Variants in RIF1 observed in about 807,000 individuals in gnomAD.
RIF1 encodes the protein telomere-associated protein RIF1.
In RIF1, 45 loss-of-function variants were observed where a neutral mutation model predicts 247.1. That is an observed-to-expected ratio of 0.18 (90% CI 0.14 to 0.23). RIF1 has a LOEUF of 0.23. RIF1 is among the 10% of genes least tolerant of loss of function. The pLI is 1.00. For synonymous variants in RIF1, 1,087 were observed against 978.8 expected (o/e 1.11, Z -2.06); for missense variants, 2,967 against 2,862.5 (o/e 1.04, Z -0.83).
intron 18 of RIF1, 36 bp from the exon 19 acceptor site, chr2:151,445,302 G>A: frequency 6.1e-6 from 7 of 1,154,740 alleles, no homozygotes; most frequent in South Asian, 3.7e-5. Flanking sequence ...GAATAAGATG[G>A]TAATTTGTCT....
chr2:151,493,930 G>T, intron 9 of RIF1: 1 of 1,165,762 alleles, frequency 8.6e-7, no homozygotes, highest in Non-Finnish European at 1.2e-6. Flanking sequence ...TAATTATATT[G>T]CAAGTTGGGG....
intron 21 of RIF1, among the ~76,000 whole-genome samples, chr2:151,453,429 T>C (rs1330525923): frequency 6.6e-6 from 1 of 151,694 alleles, no homozygotes; most frequent in East Asian, 1.9e-4. Flanking sequence ...ATACAAAAAT[T>C]AGCAAGCCAT....
At chr2:151,436,794 T>C (rs779683646) in intron 11 of RIF1, 33 bp from the exon 12 acceptor site, 2 of 1,494,016 alleles carry the variant, frequency 1.3e-6, no homozygotes, top group Non-Finnish European at 1.8e-6. Context: ...AATGAGCTTG[T>C]ATGACTTAAC....
rs1444499515 is a variant in RIF1 at position 151,437,302 on chromosome 2, T to G, written c.1434T>G (p.Leu478=). ...PSFFSKHANT[L]ITAVHDSFVA... The stretch of plus-strand genomic sequence containing the variant: ...TTTTTTCCAAACATGCAAATACACT[T>G]ATCACTGCTGTTCATGATAGCTTTG... Residue 478 remains leucine (L), a synonymous_variant, in exon 13 of 36, where the codon CTT becomes CTG. Transcript: ENST00000444746. 1.2e-6 allele frequency: 2 copies of G among 1,614,040 alleles called. No homozygotes were observed. Among genetic ancestry groups the G allele is most frequent in the East Asian group, 4.5e-5 (2 of 44,880 alleles).
chr2:151,410,037 G>T lies in RIF1; in HGVS notation c.-11+4G>T. 2.8e-6 allele frequency: 2 copies of T among 702,834 alleles called. No homozygotes were observed. The highest frequency in any genetic ancestry group is 5.2e-6 in the Non-Finnish European group (2 of 384,846). The allele number at this position is 702,834 out of a possible 1,614,324, so 43.5% of individuals were successfully genotyped here. ...AACCCTGTCCTGATCTTCCTAGGTGGGATAAATATCGGGGTGACAGTGGTA... is the reference window on the plus strand; with the variant it reads ...AACCCTGTCCTGATCTTCCTAGGTGTGATAAATATCGGGGTGACAGTGGTA... On this transcript the variant is annotated splice_donor_region_variant and intron_variant, in intron 1 of 35. Coordinates refer to ENST00000444746, the MANE Select transcript of RIF1 (RefSeq NM_018151.5).
chr2:151,439,972 C>CAAAAAAAAAA lies in RIF1; in HGVS notation c.1547-41_1547-32dup, dbSNP rs1165450117. On this transcript the variant is annotated intron_variant, in intron 14 of 35. Transcript: ENST00000444746. The stretch of plus-strand genomic sequence containing the variant: ...TGGGTGACAGAGCAAGACCCTGTCT[C>CAAAAAAAAAA]AAAAAAAAAAAAAAAAAAAAAAAGA... The CAAAAAAAAAA allele has an allele frequency of 1.7e-3, 475 of 276,508 alleles. 4 individuals carry two copies. Among genetic ancestry groups the CAAAAAAAAAA allele is most frequent in the Non-Finnish European group, 2.1e-3 (348 of 162,386 alleles). 17.1% of individuals were successfully genotyped at this position (276,508 alleles called of 1,614,324 possible).
At chr2:151,414,639 C>CA (rs748498744) in intron 3 of RIF1, among the ~76,000 whole-genome samples, 184 bp from the exon 4 acceptor site, 46 of 152,196 alleles carry the variant, frequency 3.0e-4, no homozygotes, top group South Asian at 1.7e-3. Flanking sequence ...CTTTCTTTAC[C>CA]AAGCTGTACA....
At chr2:151,469,937 A>C (rs1697537954) in intron 34 of RIF1, 73 bp downstream of exon 34, 1 of 1,111,448 alleles carries the variant, frequency 9.0e-7, no homozygotes, top group East Asian at 2.5e-5. Flanking sequence ...AGTTTGTTAA[A>C]AGATCACTTC....
Position 151,463,435 on chromosome 2 carries a change from A to C in RIF1, c.3915A>C (p.Leu1305Phe). 6.2e-7 allele frequency: 1 copy of C among 1,614,060 alleles called. No individual in the cohort carries two copies. Residue 1305 changes from leucine to phenylalanine, a missense_variant, in exon 30 of 36, where the codon TTA (leucine) becomes TTC (phenylalanine). Leu to Phe is a conservative substitution (Grantham distance 22, BLOSUM62 0). Around this residue, in one of 7 missense-constraint regions of RIF1, gnomAD observed 2,028 missense variants for 1,825.6 expected, o/e 1.11. Coordinates refer to ENST00000444746, the MANE Select transcript of RIF1 (RefSeq NM_018151.5). Reference sequence around the variant, plus strand: ...CAGGGAATAAAAGGTCTAAGCCCTTAATGAGATCTGAGCCGGAGAAAAATA... The same window carrying C: ...CAGGGAATAAAAGGTCTAAGCCCTTCATGAGATCTGAGCCGGAGAAAAATA... ...EQTGNKRSKP[L>F]MRSEPEKNTE... is the part of the protein sequence containing the mutation.
intron 7 of RIF1, among the ~76,000 whole-genome samples, chr2:151,421,919 C>T (rs974272904): frequency 2.6e-5 from 4 of 151,792 alleles, no homozygotes; most frequent in Non-Finnish European, 5.9e-5. Context: ...ACTGCAGCTT[C>T]CACCTCCTGG....
At chr2:151,502,672 C>A in intron 11 of RIF1, 1 of 672,406 alleles carries the variant, frequency 1.5e-6, no homozygotes, top group Non-Finnish European at 2.6e-6. Context: ...GGGTTGAAAA[C>A]TGAGGTAATA....
At chr2:151,513,277 C>T in the RIF1 span, among the ~76,000 whole-genome samples, 97,401 of 152,016 alleles carry the variant, frequency 0.64, 31,542 homozygotes, top group East Asian at 0.77. Context: ...AATGAGTGGA[C>T]TGACTCAGAA....
At chr2:151,510,166 T>C (rs2072989261), downstream of RIF1, among the ~76,000 whole-genome samples, 2 of 152,198 alleles carry the variant, frequency 1.3e-5, no homozygotes, top group Non-Finnish European at 1.5e-5. Flanking sequence ...ACTCGTATGT[T>C]GTCTCCTGCT....
At chr2:151,489,674 G>A (rs1013832633) in intron 9 of RIF1, among the ~76,000 whole-genome samples, 1 of 152,110 alleles carries the variant, frequency 6.6e-6, no homozygotes, top group Non-Finnish European at 1.5e-5. Flanking sequence ...TGGCATTATA[G>A]GCATGATTCA....
Position 151,463,601 on chromosome 2 carries a change from A to G in RIF1, c.4081A>G (p.Thr1361Ala). The change falls in exon 30 of 36, where the codon ACA becomes GCA. Residue 1361 changes from threonine (T) to alanine (A), a missense_variant. Around this residue, in one of 7 missense-constraint regions of RIF1, gnomAD observed 2,028 missense variants for 1,825.6 expected, o/e 1.11. Transcript: ENST00000444746. ...TGACAATACAAAGCTTAAAGCAGCAACAGTGGAAAATGCTGTATTATTGGA... is the reference window on the plus strand; with the variant it reads ...TGACAATACAAAGCTTAAAGCAGCAGCAGTGGAAAATGCTGTATTATTGGA... Reference protein sequence around the residue: ...EHDNTKLKAATVENAVLLETN... With the variant: ...EHDNTKLKAAAVENAVLLETN... The G allele has an allele frequency of 2.5e-6, 4 of 1,613,830 alleles. No homozygotes were observed. Among genetic ancestry groups the G allele is most frequent in the Non-Finnish European group, 3.4e-6 (4 of 1,179,910 alleles).
Position 151,492,209 on chromosome 2 carries a change from G to A in RIF1, c.*416-3020G>A, listed in dbSNP as rs758327681. The A allele has an allele frequency of 8.7e-6, 14 of 1,613,626 alleles. No individual in the cohort carries two copies. Among genetic ancestry groups the A allele is most frequent in the South Asian group, 2.2e-5 (2 of 91,068 alleles). Reference sequence around the variant, plus strand: ...AAGTCCTGCATGTTCTTCTTTACTCGTTCAGTGATAGGATCTGTCACCACT... The same window carrying A: ...AAGTCCTGCATGTTCTTCTTTACTCATTCAGTGATAGGATCTGTCACCACT... On this transcript the variant is annotated intron_variant and NMD_transcript_variant, in intron 9 of 13. Coordinates refer to the RIF1 transcript ENST00000454583.
At chr2:151,424,119 C>T (rs1285227543) in intron 8 of RIF1, among the ~76,000 whole-genome samples, 1 of 152,130 alleles carries the variant, frequency 6.6e-6, no homozygotes. Flanking sequence ...TTATTTTTCT[C>T]TGAGACGGAG....
intron 7 of RIF1, among the ~76,000 whole-genome samples, chr2:151,422,602 C>T (rs1206494587): frequency 6.6e-6 from 1 of 151,824 alleles, no homozygotes; most frequent in Non-Finnish European, 1.5e-5. Context: ...CAGGTTCAAG[C>T]AATTCTCATG....
Position 151,451,710 on chromosome 2 carries a change from G to A in RIF1, c.2344+5G>A. 1 of 1,355,488 alleles carries A rather than the reference G, an allele frequency of 7.4e-7. No homozygotes were observed. The highest frequency in any genetic ancestry group is 1.1e-6 in the Non-Finnish European group (1 of 947,654). 84.0% of individuals were successfully genotyped at this position (1,355,488 alleles called of 1,614,324 possible). ...AATATCAGCCCAAAGTTAAATGTAA[G>A]TATGTATTTTTTAACCTTTGTTTGT... On this transcript the variant is annotated splice_donor_5th_base_variant and intron_variant, in intron 21 of 35. Coordinates refer to ENST00000444746, the MANE Select transcript of RIF1 (RefSeq NM_018151.5).
Sources: allele counts gnomAD v4.1 joint callset (sites outside exome capture counted in the v4.1 genomes callset), GRCh38; gene constraint gnomAD v4.1.1; regional missense constraint gnomAD v4.1.1; transcripts MANE v1.5; gene names NCBI Gene and HGNC (gene_info 2026-07-23, HGNC 2026-07-21).